Variants in TRAPPC10 observed in about 807,000 individuals in gnomAD.
TRAPPC10 encodes TRAPP 130 kDa subunit.
Under a neutral mutation model 125.5 loss-of-function variants are expected in TRAPPC10, and 23 were observed. That is an observed-to-expected ratio of 0.18 (90% CI 0.13 to 0.26). TRAPPC10 has a LOEUF of 0.26. TRAPPC10 is among the 10% of genes least tolerant of loss of function. The probability of loss-of-function intolerance (pLI) is 1.00; values close to 1 mark genes in which losing one functional copy is unlikely to be tolerated. For missense variants in TRAPPC10, 1,123 were observed against 1,308.4 expected, an observed-to-expected ratio of 0.86 and a Z score of 2.19; for synonymous variants, 509 against 518.0, an observed-to-expected ratio of 0.98 and a Z score of 0.24.
chr21:44,048,219 C>T (rs1305934680), intron 3 of TRAPPC10, among the ~76,000 whole-genome samples: 3 of 152,166 alleles, frequency 2.0e-5, no homozygotes, highest in East Asian at 3.9e-4. Flanking sequence ...CACCATGTCC[C>T]TCTCCTCTCC....
At position 44,052,840 on chromosome 21, in the gene TRAPPC10, C is replaced by T. The variant is rs191964764; in HGVS notation, c.482+364C>T. On this transcript the variant is annotated intron_variant, in intron 4 of 22. Coordinates refer to ENST00000291574, the MANE Select transcript of TRAPPC10 (RefSeq NM_003274.5). ...ACGGCACCTGTGTTTTTTTCTTTACCTTAACACCTGAGAGTTCCTAAGAAC... is the reference window on the plus strand; with the variant it reads ...ACGGCACCTGTGTTTTTTTCTTTACTTTAACACCTGAGAGTTCCTAAGAAC... Among the ~76,000 whole-genome samples, 14 of 151,904 alleles carry T rather than the reference C, an allele frequency of 9.2e-5. No individual in the cohort carries two copies. In the East Asian group the frequency reaches 2.7e-3, roughly 29 times the overall value.
At chr21:44,037,422 C>A (rs1486332148) in intron 2 of TRAPPC10, among the ~76,000 whole-genome samples, 1 of 152,146 alleles carries the variant, frequency 6.6e-6, no homozygotes, top group Non-Finnish European at 1.5e-5. Context: ...ATTAAAACTG[C>A]ACTTTGGACA....
intron 17 of TRAPPC10, 44 bp from the exon 18 acceptor site, chr21:44,089,788 TC>T: frequency 6.7e-7 from 1 of 1,483,724 alleles, no homozygotes; most frequent in Non-Finnish European, 9.4e-7. Flanking sequence ...GGCTGTGCTG[TC>T]CGTCGGCGAG....
At chr21:44,076,884 C>T (rs1228456671) in intron 10 of TRAPPC10, among the ~76,000 whole-genome samples, 1 of 152,114 alleles carries the variant, frequency 6.6e-6, no homozygotes, top group Non-Finnish European at 1.5e-5. Context: ...TGGGTTTGCT[C>T]ACACAGAAAT....
intron 4 of TRAPPC10, among the ~76,000 whole-genome samples, chr21:44,053,644 T>A (rs2035373455): frequency 6.6e-6 from 1 of 152,222 alleles, no homozygotes; most frequent in Non-Finnish European, 1.5e-5. Flanking sequence ...CTTTTGCTAG[T>A]TACGAGGCTG....
At chr21:44,094,263 G>GCT in intron 20 of TRAPPC10, 30 bp downstream of exon 20, 21 of 1,584,858 alleles carry the variant, frequency 1.3e-5, no homozygotes, top group Non-Finnish European at 1.6e-5. Flanking sequence ...GGGAGGGTGG[G>GCT]GGTGAAAAAA....
In TRAPPC10 at chr21:44,075,487, A is replaced by AT. The variant is rs879495618; in HGVS notation, c.1300+348dup. Among the ~76,000 whole-genome samples, 343 of 143,976 alleles carry AT rather than the reference A, an allele frequency of 2.4e-3. 3 individuals are homozygous for AT. The East Asian group carries it at 0.027, about 11-fold the overall frequency. The allele number at this position is 143,976 out of a possible 152,430, so 94.5% of individuals were successfully genotyped here. On this transcript the variant is annotated intron_variant, in intron 9 of 22. Coordinates refer to ENST00000291574, the MANE Select transcript of TRAPPC10 (RefSeq NM_003274.5). ...GTTTTTCTAACAATACGACCTGACG[A>AT]TTTTTTTTTTTTTTAAGAGACAGGG... is the stretch of plus-strand genomic sequence containing the variant.
intron 3 of TRAPPC10, among the ~76,000 whole-genome samples, chr21:44,044,585 C>A (rs1489978225): frequency 6.6e-6 from 1 of 151,920 alleles, no homozygotes; most frequent in Non-Finnish European, 1.5e-5. Flanking sequence ...TGTTAAAACC[C>A]CATAGTACAT....
chr21:44,016,597 A>G (rs1432427111), intron 1 of TRAPPC10, among the ~76,000 whole-genome samples: 1 of 152,228 alleles, frequency 6.6e-6, no homozygotes, highest in Non-Finnish European at 1.5e-5. Context: ...ATGAGCAGAT[A>G]TGTAGAGCTT....
Position 44,087,975 on chromosome 21 carries a change from C to G in TRAPPC10, c.2769+47C>G, listed in dbSNP as rs761663900. 6.6e-7 allele frequency: 1 copy of G among 1,521,952 alleles called. No homozygotes were observed. Among genetic ancestry groups the G allele is most frequent in the South Asian group, 1.2e-5 (1 of 85,836 alleles). The allele number at this position is 1,521,952 out of a possible 1,614,324, so 94.3% of individuals were successfully genotyped here. ...GCTTAGCTTGTGGGGCGTCCGCCGC[C>G]CGCCTGCCTGCTGGGAAAGGCGATG... On this transcript the variant is annotated intron_variant, in intron 17 of 22. Transcript: ENST00000291574. The surrounding 1 kb of genome is among the most constrained non-coding windows in gnomAD (Gnocchi z 4.6).
chr21:44,088,490 C>G (rs2038301883), intron 17 of TRAPPC10: 1 of 159,860 alleles, frequency 6.3e-6, no homozygotes, highest in African/African-American at 2.4e-5. Flanking sequence ...GGCCCTGAAA[C>G]AGCCCAGGGG....
chr21:44,082,721 G>T lies in TRAPPC10; in HGVS notation c.1724-67G>T. ...CTCTCGGTGATCTTACTGTGTCCGC[G>T]GCCTGCTGCTGCTTACTGTCAGGAA... On this transcript the variant is annotated intron_variant, in intron 13 of 22. Transcript: ENST00000291574. This position sits in a 1 kb window ranked among gnomAD's most constrained non-coding sequence, Gnocchi z 4.4. The T allele has an allele frequency of 6.4e-7, 1 of 1,563,500 alleles. No individual in the cohort carries two copies. The highest frequency in any genetic ancestry group is 1.4e-5 in the African/African-American group (1 of 74,028).
intron 1 of TRAPPC10, among the ~76,000 whole-genome samples, chr21:44,029,037 G>A (rs1162041010): frequency 6.6e-6 from 1 of 152,212 alleles, no homozygotes; most frequent in Non-Finnish European, 1.5e-5. Context: ...TACCGCGTGA[G>A]CCAAGATTGA....
At chr21:44,092,163 G>T (rs1438502618) in intron 19 of TRAPPC10, 114 bp downstream of exon 19, 1 of 1,359,696 alleles carries the variant, frequency 7.4e-7, no homozygotes, top group Non-Finnish European at 1.0e-6. Flanking sequence ...CACTGCTGAT[G>T]AGTAAAGGCT....
intron 2 of TRAPPC10, among the ~76,000 whole-genome samples, chr21:44,033,957 C>T (rs1177994515): frequency 6.6e-6 from 1 of 152,092 alleles, no homozygotes; most frequent in African/African-American, 2.4e-5. Flanking sequence ...AAATACTAAA[C>T]AAATAAATGG....
intron 13 of TRAPPC10, among the ~76,000 whole-genome samples, chr21:44,080,882 A>G (rs894101313): frequency 2.7e-5 from 4 of 148,278 alleles, no homozygotes; most frequent in African/African-American, 1.0e-4. Flanking sequence ...TTTTTTTAAA[A>G]TGTAACAGCA....
chr21:44,012,903 G>A (rs2031317164), intron 1 of TRAPPC10, among the ~76,000 whole-genome samples: 2 of 151,978 alleles, frequency 1.3e-5, no homozygotes, highest in Admixed American at 1.3e-4. Context: ...GTTGAGCCGC[G>A]CGCCCGGGAC....
chr21:44,086,750 A>T, intron 15 of TRAPPC10, 52 bp from the exon 16 acceptor site: 1 of 1,599,958 alleles, frequency 6.3e-7, no homozygotes. Context: ...GGGCCCTGAG[A>T]TGCTGTCTTC....
At chr21:44,024,157 C>T (rs2032837823) in intron 1 of TRAPPC10, among the ~76,000 whole-genome samples, 1 of 152,138 alleles carries the variant, frequency 6.6e-6, no homozygotes, top group African/African-American at 2.4e-5. Context: ...GATGAAAACT[C>T]AGGGCTGCAG....
Sources: allele counts gnomAD v4.1 joint callset (sites outside exome capture counted in the v4.1 genomes callset), GRCh38; gene constraint gnomAD v4.1.1; non-coding constraint Gnocchi (gnomAD v3.1); transcripts MANE v1.5; gene names NCBI Gene and HGNC (gene_info 2026-07-23, HGNC 2026-07-21).